Variants in GRB10 observed in about 807,000 individuals in gnomAD.
The protein encoded by GRB10 is growth factor receptor-bound protein 10.
A neutral mutation model predicts 80.9 loss-of-function variants in GRB10; 20 were observed. The observed-to-expected ratio is 0.25, with a 90% CI of 0.17 to 0.36. GRB10 has a LOEUF of 0.36. Ranked by LOEUF, GRB10 falls within the 10% of genes least tolerant of loss-of-function variation. The pLI, the probability that GRB10 is intolerant of heterozygous loss-of-function variation, is 1.00. For synonymous variants in GRB10, 291 were observed against 291.5 expected, an observed-to-expected ratio of 1.00 and a Z score of 0.02; for missense variants, 548 against 747.7, an observed-to-expected ratio of 0.73 and a Z score of 3.12.
intron 14 of GRB10, among the ~76,000 whole-genome samples, chr7:50,605,940 C>T (rs541119751): frequency 8.5e-5 from 13 of 152,194 alleles, no homozygotes; most frequent in Non-Finnish European, 1.9e-4. Flanking sequence ...ATGACAATCT[C>T]TAAATTCTCA....
intron 4 of GRB10, chr7:50,705,026 G>T: frequency 2.1e-6 from 1 of 480,258 alleles, no homozygotes; most frequent in Non-Finnish European, 2.7e-6. Flanking sequence ...TTGGGAATGT[G>T]ACTCTTAATT....
At chr7:50,764,643 C>T (rs1328891420) in intron 2 of GRB10, among the ~76,000 whole-genome samples, 1 of 152,170 alleles carries the variant, frequency 6.6e-6, no homozygotes, top group East Asian at 1.9e-4. Flanking sequence ...GGGGTGGGGG[C>T]AGCCTGCACA....
chr7:50,625,216 T>C (rs1046646702), intron 8 of GRB10, among the ~76,000 whole-genome samples: 1 of 152,222 alleles, frequency 6.6e-6, no homozygotes, highest in Non-Finnish European at 1.5e-5. Context: ...TGTATATCTG[T>C]ACCCAATTTC....
intron 13 of GRB10, among the ~76,000 whole-genome samples, chr7:50,610,278 G>A (rs995074547): frequency 2.6e-5 from 4 of 152,162 alleles, no homozygotes; most frequent in African/African-American, 4.8e-5. Context: ...AATCAGTGCC[G>A]ACAACACTCA....
intron 7 of GRB10, among the ~76,000 whole-genome samples, chr7:50,648,993 A>C (rs1352085081): frequency 6.6e-6 from 1 of 152,140 alleles, no homozygotes; most frequent in Non-Finnish European, 1.5e-5. Flanking sequence ...TGGGGGTAAG[A>C]AACCCATGTT....
intron 4 of GRB10, among the ~76,000 whole-genome samples, chr7:50,728,461 A>T (rs1194049222): frequency 6.6e-6 from 1 of 152,140 alleles, no homozygotes; most frequent in African/African-American, 2.4e-5. Context: ...GTCTCATCTG[A>T]GGACTGTTTC....
chr7:50,626,429 G>C (rs1488719408), intron 8 of GRB10, among the ~76,000 whole-genome samples: 3 of 152,204 alleles, frequency 2.0e-5, no homozygotes, highest in Non-Finnish European at 4.4e-5. Context: ...GATCTCAGAA[G>C]GGCAGCTGCA....
intron 7 of GRB10, among the ~76,000 whole-genome samples, chr7:50,634,653 C>G (rs375994240): frequency 6.6e-6 from 1 of 152,146 alleles, no homozygotes; most frequent in African/African-American, 2.4e-5. Context: ...ACCCACCTAA[C>G]GGCTAAAGAC....
At chr7:50,678,349 C>G (rs1011011296) in intron 5 of GRB10, among the ~76,000 whole-genome samples, 1 of 152,224 alleles carries the variant, frequency 6.6e-6, no homozygotes, top group African/African-American at 2.4e-5. Context: ...AAAGCCAGGT[C>G]AATCTGGTAA....
chr7:50,773,929 C>CGG (rs754702372), intron 2 of GRB10, among the ~76,000 whole-genome samples: 38 of 152,356 alleles, frequency 2.5e-4, no homozygotes, highest in Non-Finnish European at 5.3e-4. Flanking sequence ...GTGATCTCAG[C>CGG]TCACTGCAAG....
rs561212963 is a variant in GRB10, at chr7:50,700,090, G to T, written c.139+3731C>A. Among the ~76,000 whole-genome samples, 73 of 150,178 alleles carry T rather than the reference G, an allele frequency of 4.9e-4. 1 individual carries two copies. Among genetic ancestry groups the T allele is most frequent in the South Asian group, 1.5e-3 (7 of 4,726 alleles). ...GGTGGCAGAGATTGCAGTGAGCCGA[G>T]ATCTCACCACTGCACTCCAGCCTGG... On this transcript the variant is annotated intron_variant, in intron 5 of 18. Transcript: ENST00000401949.
upstream of GRB10, among the ~76,000 whole-genome samples, chr7:50,784,358 G>A (rs937034262): frequency 6.6e-6 from 1 of 152,190 alleles, no homozygotes; most frequent in East Asian, 1.9e-4. Flanking sequence ...ACTTTTCTGC[G>A]GTCTGACACA....
upstream of GRB10, among the ~76,000 whole-genome samples, chr7:50,784,159 TG>T (rs2078587709): frequency 6.6e-6 from 1 of 152,162 alleles, no homozygotes; most frequent in African/African-American, 2.4e-5. Context: ...TGACTCTAAC[TG>T]CGCACCCCTC....
chr7:50,632,349 G>A (rs1249979040), intron 7 of GRB10, among the ~76,000 whole-genome samples: 1 of 152,118 alleles, frequency 6.6e-6, no homozygotes, highest in Non-Finnish European at 1.5e-5. Context: ...TGTTAGCCTG[G>A]GAGCAGTTCA....
At chr7:50,656,205 C>T (rs573431633) in intron 7 of GRB10, among the ~76,000 whole-genome samples, 2 of 152,302 alleles carry the variant, frequency 1.3e-5, no homozygotes, top group South Asian at 2.1e-4. Context: ...GCGGGCTGAG[C>T]GCAGAGTGTG....
intron 7 of GRB10, chr7:50,645,615 C>A (rs759734293): frequency 5.1e-5 from 50 of 985,288 alleles, no homozygotes; most frequent in Non-Finnish European, 5.9e-5. Flanking sequence ...CCTCCAATCG[C>A]CCGGAGTTCT....
chr7:50,654,759 C>T (rs925521120), intron 7 of GRB10, among the ~76,000 whole-genome samples: 1 of 152,100 alleles, frequency 6.6e-6, no homozygotes, highest in Non-Finnish European at 1.5e-5. Flanking sequence ...ATTCTCTTTC[C>T]CTACCTACCT....
chr7:50,731,011 C>T (rs2069618367), intron 4 of GRB10, among the ~76,000 whole-genome samples: 1 of 152,104 alleles, frequency 6.6e-6, no homozygotes, highest in Non-Finnish European at 1.5e-5. Flanking sequence ...ACTGGCCACA[C>T]GAGAACTGGA....
At position 50,612,848 on chromosome 7, in the gene GRB10, G is replaced by C. The variant is rs754806141; in HGVS notation, c.1096-9C>G. On this transcript the variant is annotated splice_polypyrimidine_tract_variant and intron_variant, in intron 12 of 18. Transcript: ENST00000401949. The stretch of plus-strand genomic sequence containing the variant: ...TTCCTGACTTTGTTTGGCTACAGGA[G>C]GTAAAAGAAAGTCCTGTTAGTGTTA... 2 of 1,599,574 alleles carry C rather than the reference G, an allele frequency of 1.3e-6. No homozygotes were observed. The highest frequency in any genetic ancestry group is 1.7e-6 in the Non-Finnish European group (2 of 1,167,064).
Sources: allele counts gnomAD v4.1 joint callset (sites outside exome capture counted in the v4.1 genomes callset), GRCh38; gene constraint gnomAD v4.1.1; transcripts MANE v1.5; gene names NCBI Gene and HGNC (gene_info 2026-07-23, HGNC 2026-07-21).